The following AGPS variants were observed in gnomAD, a reference collection of about 807,000 sequenced individuals.
The protein encoded by AGPS is alkylglycerone phosphate synthase.
Under a neutral mutation model 90.7 loss-of-function variants are expected in AGPS, and 26 were observed. That is an observed-to-expected ratio of 0.29 (90% CI 0.21 to 0.40). The LOEUF (loss-of-function observed/expected upper bound fraction) is 0.40. Ranked by LOEUF, AGPS falls within the 10% of genes least tolerant of loss-of-function variation. The pLI is 1.00. For synonymous variants in AGPS, 294 were observed against 285.3 expected (o/e 1.03, Z -0.31); for missense variants, 540 against 816.1 (o/e 0.66, Z 4.12).
At chr2:177,506,639 T>C (rs1407830970) in intron 15 of AGPS, among the ~76,000 whole-genome samples, 2 of 151,990 alleles carry the variant, frequency 1.3e-5, no homozygotes, top group African/African-American at 4.8e-5. Context: ...ATTTGAAGCA[T>C]ATAGTCCTCC....
At chr2:177,463,460 A>G (rs1687357971) in intron 9 of AGPS, among the ~76,000 whole-genome samples, 1 of 152,304 alleles carries the variant, frequency 6.6e-6, no homozygotes, top group Non-Finnish European at 1.5e-5. Flanking sequence ...TATTAAAGTG[A>G]TGTTCCCAAC....
chr2:177,533,731 C>A (rs1191829685), intron 19 of AGPS, among the ~76,000 whole-genome samples: 1 of 152,148 alleles, frequency 6.6e-6, no homozygotes, highest in East Asian at 1.9e-4. Flanking sequence ...TGGTTGTCCC[C>A]TCTAACACTA....
At chr2:177,412,402 G>A (rs552948915) in intron 1 of AGPS, among the ~76,000 whole-genome samples, 1 of 152,230 alleles carries the variant, frequency 6.6e-6, no homozygotes, top group Non-Finnish European at 1.5e-5. Flanking sequence ...GGCTTCCCCA[G>A]GAAAATTGAA....
chr2:177,481,942 T>A, intron 10 of AGPS, 117 bp from the exon 11 acceptor site: 1 of 979,202 alleles, frequency 1.0e-6, no homozygotes, highest in African/African-American at 1.7e-5. Context: ...ATTCCCCAGG[T>A]AGACTTGATA....
chr2:177,414,897 C>CGTGTGTGTGTGTGTGT (rs397986794), intron 1 of AGPS, among the ~76,000 whole-genome samples: 5,021 of 146,252 alleles, frequency 0.034, 137 homozygotes, highest in Middle Eastern at 0.065. Flanking sequence ...TATGAAGGTT[C>CGTGTGTGTGTGTGTGT]GTGTGTGTGT....
At chr2:177,426,617 T>C (rs1686088466) in intron 2 of AGPS, among the ~76,000 whole-genome samples, 1 of 152,232 alleles carries the variant, frequency 6.6e-6, no homozygotes, top group South Asian at 2.1e-4. Context: ...CTGAATTTTA[T>C]CTAAGGCCTT....
At position 177,456,900 on chromosome 2, in the gene AGPS, C is replaced by T. The variant is rs545058836; in HGVS notation, c.871-4993C>T. Among the ~76,000 whole-genome samples, 5 of 152,282 alleles carry T rather than the reference C, an allele frequency of 3.3e-5. No individual in the cohort carries two copies. In the East Asian group the frequency reaches 9.7e-4, roughly 29 times the overall value. Reference sequence around the variant, plus strand: ...TCAACAGAATATGTATTCTTCTCAGCACCTCATCACACTTATTCTAAAATT... The same window carrying T: ...TCAACAGAATATGTATTCTTCTCAGTACCTCATCACACTTATTCTAAAATT... On this transcript the variant is annotated intron_variant, in intron 8 of 19. Transcript: ENST00000264167.
intron 2 of AGPS, among the ~76,000 whole-genome samples, chr2:177,424,617 G>A (rs1686026883): frequency 6.6e-6 from 1 of 152,202 alleles, no homozygotes; most frequent in South Asian, 2.1e-4. Flanking sequence ...TAAGGGGACT[G>A]CTGGGTCAAA....
Position 177,416,869 on chromosome 2 carries a change from G to A in AGPS, c.261-3400G>A, listed in dbSNP as rs149753194. ...AAAGATGTTAAATTTGGTATAGTTA[G>A]CTCTAAGAATTGGAATGTCTGAGAT... is the stretch of plus-strand genomic sequence containing the variant. On this transcript the variant is annotated intron_variant, in intron 1 of 19. Transcript: ENST00000264167. Among the ~76,000 whole-genome samples the A allele has an allele frequency of 4.0e-3, 611 of 152,180 alleles. 5 individuals carry two copies. The highest frequency in any genetic ancestry group is 0.032 in the East Asian group (166 of 5,180).
chr2:177,490,319 A>C (rs141015070), intron 11 of AGPS, among the ~76,000 whole-genome samples: 2 of 152,196 alleles, frequency 1.3e-5, no homozygotes, highest in Non-Finnish European at 2.9e-5. Flanking sequence ...CCTAGATGCT[A>C]TTTTTGAGTG....
At chr2:177,423,815 A>C (rs1685999246) in intron 2 of AGPS, among the ~76,000 whole-genome samples, 1 of 152,102 alleles carries the variant, frequency 6.6e-6, no homozygotes, top group Admixed American at 6.6e-5. Context: ...ACAGATTTAT[A>C]ATTTATCAGT....
chr2:177,451,361 G>A (rs987015651), intron 8 of AGPS, among the ~76,000 whole-genome samples: 1 of 151,954 alleles, frequency 6.6e-6, no homozygotes, highest in Non-Finnish European at 1.5e-5. Context: ...TTCTTTAATA[G>A]TGTATAAAAA....
intron 18 of AGPS, among the ~76,000 whole-genome samples, chr2:177,523,438 T>C (rs1689258435): frequency 6.6e-6 from 1 of 152,234 alleles, no homozygotes; most frequent in Non-Finnish European, 1.5e-5. Context: ...AACCTGACTC[T>C]ACATTTACAA....
At position 177,538,090 on chromosome 2, in the gene AGPS, G is replaced by C. The variant is rs1485158970; in HGVS notation, c.1872G>C (p.Lys624Asn). The C allele has an allele frequency of 1.9e-6, 3 of 1,613,038 alleles. No homozygotes were observed. The highest frequency in any genetic ancestry group is 1.7e-6 in the Non-Finnish European group (2 of 1,179,308). Residue 624 changes from lysine to asparagine, a missense_variant, in exon 20 of 20, where the codon AAG becomes AAC. Physicochemically the swap from Lys to Asn is moderately conservative, Grantham distance 94. This residue lies in a region of AGPS where 405 missense variants were observed against 692.1 expected (regional missense o/e 0.59). Transcript: ENST00000264167. Reference sequence around the variant, plus strand: ...TTTTTCCAGTGGGCAAGTTACGGAAGCAATGGCTAAAGGAAAGTATCTCTG... The same window carrying C: ...TTTTTCCAGTGGGCAAGTTACGGAACCAATGGCTAAAGGAAAGTATCTCTG... Reference protein sequence around the residue: ...SHHHGVGKLRKQWLKESISDV... With the variant: ...SHHHGVGKLRNQWLKESISDV...
rs1286798301 is a variant in AGPS, at chr2:177,486,790, A to G, written c.1233+4604A>G. 6.6e-5 allele frequency among the ~76,000 whole-genome samples: 9 copies of G among 135,894 alleles called. No homozygotes were observed. The East Asian group carries it at 1.5e-3, about 22-fold the overall frequency. The allele number at this position is 135,894 out of a possible 152,430, so 89.2% of individuals were successfully genotyped here. A position where few individuals can be genotyped will look rare whatever the true frequency, so the allele number is the denominator to read the frequency against. Reference sequence around the variant, plus strand: ...ATAAATTAAGCAACCTTATACTAGCATTAGAAGGATTCTACTAAAGTCTCT... The same window carrying G: ...ATAAATTAAGCAACCTTATACTAGCGTTAGAAGGATTCTACTAAAGTCTCT... On this transcript the variant is annotated intron_variant, in intron 11 of 19. Transcript: ENST00000264167.
intron 12 of AGPS, among the ~76,000 whole-genome samples, chr2:177,493,634 A>G (rs1451965706): frequency 2.0e-5 from 3 of 152,146 alleles, no homozygotes; most frequent in African/African-American, 7.2e-5. Flanking sequence ...TGTGGCTCAA[A>G]TAGAGGGTGG....
intron 1 of AGPS, among the ~76,000 whole-genome samples, chr2:177,400,703 G>A (rs1276435380): frequency 6.6e-6 from 1 of 152,224 alleles, no homozygotes; most frequent in Non-Finnish European, 1.5e-5. Flanking sequence ...TTGCTGACCA[G>A]ATTCTTGTTG....
chr2:177,397,905 C>A (rs1233002805), intron 1 of AGPS, among the ~76,000 whole-genome samples: 1 of 152,076 alleles, frequency 6.6e-6, no homozygotes, highest in African/African-American at 2.4e-5. Flanking sequence ...GTGGCACAGG[C>A]CTGTGGTTTC....
chr2:177,491,688 T>C (rs7589927), intron 11 of AGPS, among the ~76,000 whole-genome samples: 129,716 of 149,614 alleles, frequency 0.87, 56,468 homozygotes, highest in East Asian at 0.98. Flanking sequence ...TAATCAAGAC[T>C]TGCATATTTT....
Sources: allele counts gnomAD v4.1 joint callset (sites outside exome capture counted in the v4.1 genomes callset), GRCh38; gene constraint gnomAD v4.1.1; regional missense constraint gnomAD v4.1.1; transcripts MANE v1.5; gene names NCBI Gene and HGNC (gene_info 2026-07-23, HGNC 2026-07-21).